The following UNC13B variants were observed in gnomAD, a reference collection of about 807,000 sequenced individuals.
UNC13B encodes protein unc-13 homolog B.
UNC13B carries 144 observed loss-of-function variants against 211.0 expected under a neutral mutation model. The ratio of observed to expected loss-of-function variants is 0.68; its 90% confidence interval spans 0.60 to 0.78. The LOEUF (loss-of-function observed/expected upper bound fraction) is 0.78, where lower values mean the gene tolerates loss of function less well. UNC13B is among the 30% of genes least tolerant of loss of function. The probability of loss-of-function intolerance (pLI) is 0.00; values close to 1 mark genes in which losing one functional copy is unlikely to be tolerated. For missense variants in UNC13B, 1,777 were observed against 2,002.0 expected (o/e 0.89, Z 2.14); for synonymous variants, 709 against 725.8 (o/e 0.98, Z 0.37).
intron 7 of UNC13B, among the ~76,000 whole-genome samples, chr9:35,259,679 C>T (rs1378582127): frequency 2.0e-5 from 3 of 151,254 alleles, no homozygotes; most frequent in Non-Finnish European, 4.4e-5. Flanking sequence ...TATATTGTTA[C>T]CCTCTCCCCA....
At chr9:35,259,990 C>T (rs1032789545) in intron 7 of UNC13B, among the ~76,000 whole-genome samples, 2 of 124,508 alleles carry the variant, frequency 1.6e-5, no homozygotes, top group African/African-American at 6.1e-5. Context: ...TTTCTTGAGC[C>T]CAGGAGTCTG....
chr9:35,282,244 A>G (rs1354969090), intron 7 of UNC13B, among the ~76,000 whole-genome samples: 1 of 152,154 alleles, frequency 6.6e-6, no homozygotes, highest in Admixed American at 6.5e-5. Context: ...GAAAGCCTCC[A>G]TATGCCTCTT....
intron 37 of UNC13B, chr9:35,402,106 G>A (rs774972575): frequency 1.9e-5 from 22 of 1,177,880 alleles, no homozygotes; most frequent in Non-Finnish European, 2.6e-5. Flanking sequence ...GGAACAAGCT[G>A]TCAAGGTTTA....
intron 1 of UNC13B, among the ~76,000 whole-genome samples, chr9:35,199,613 ATG>A (rs1476747039): frequency 2.6e-5 from 4 of 151,968 alleles, no homozygotes; most frequent in Non-Finnish European, 5.9e-5. Flanking sequence ...GCATTTTTTC[ATG>A]TGTCTGTTGG....
intron 21 of UNC13B, 101 bp from the exon 22 acceptor site, chr9:35,384,145 C>A: frequency 6.5e-7 from 1 of 1,549,748 alleles, no homozygotes; most frequent in Non-Finnish European, 8.7e-7. Context: ...TGCCTCCCGA[C>A]TCTTTCTACT....
intron 3 of UNC13B, among the ~76,000 whole-genome samples, chr9:35,233,560 T>TC (rs1825328004): frequency 6.6e-6 from 1 of 152,218 alleles, no homozygotes; most frequent in Non-Finnish European, 1.5e-5. Flanking sequence ...CTTAGTCTAC[T>TC]ACCCTGTCCT....
Position 35,272,721 on chromosome 9 carries a change from G to C in UNC13B, c.526+13671G>C, listed in dbSNP as rs1827962718. Reference sequence around the variant, plus strand: ...ATTCACTTTTTTAGTTTGAATTTGAGACTTAGTTGAATGATAATTTATTGT... The same window carrying C: ...ATTCACTTTTTTAGTTTGAATTTGACACTTAGTTGAATGATAATTTATTGT... On this transcript the variant is annotated intron_variant, in intron 7 of 39. Transcript: ENST00000635942. 2.0e-5 allele frequency among the ~76,000 whole-genome samples: 3 copies of C among 152,296 alleles called. No individual in the cohort carries two copies. The South Asian group carries it at 6.2e-4, about 32-fold the overall frequency.
chr9:35,208,781 T>G (rs1823805552), intron 1 of UNC13B, among the ~76,000 whole-genome samples: 1 of 152,056 alleles, frequency 6.6e-6, no homozygotes, highest in South Asian at 2.1e-4. Flanking sequence ...CCTCCAACAC[T>G]GGGGATTGCA....
At chr9:35,228,399 C>T (rs1587417331) in intron 2 of UNC13B, among the ~76,000 whole-genome samples, 1 of 151,416 alleles carries the variant, frequency 6.6e-6, no homozygotes, top group African/African-American at 2.4e-5. Flanking sequence ...AGGTTTGTTA[C>T]ATAGGTATAC....
At chr9:35,234,293 T>G (rs576600333) in intron 3 of UNC13B, among the ~76,000 whole-genome samples, 2 of 151,920 alleles carry the variant, frequency 1.3e-5, no homozygotes, top group African/African-American at 4.8e-5. Context: ...TTAAAAAAAA[T>G]TTTTCTGGGA....
At chr9:35,203,492 C>A (rs935732256) in intron 1 of UNC13B, among the ~76,000 whole-genome samples, 6 of 152,216 alleles carry the variant, frequency 3.9e-5, no homozygotes, top group African/African-American at 1.4e-4. Flanking sequence ...GCCCCCCACT[C>A]TCTTCTGGCT....
intron 26 of UNC13B, among the ~76,000 whole-genome samples, 172 bp downstream of exon 26, chr9:35,390,886 G>A (rs1835490189): frequency 6.6e-6 from 1 of 152,186 alleles, no homozygotes; most frequent in Non-Finnish European, 1.5e-5. Flanking sequence ...GGTGGGCAAA[G>A]TTGCAGCCAA....
chr9:35,366,264 A>G (rs919445956), intron 11 of UNC13B, among the ~76,000 whole-genome samples: 2 of 152,174 alleles, frequency 1.3e-5, no homozygotes, highest in African/African-American at 2.4e-5. Context: ...TGGTACAGAA[A>G]CCTTTAAAAG....
chr9:35,332,247 G>A (rs1460374035), intron 11 of UNC13B, among the ~76,000 whole-genome samples: 2 of 152,182 alleles, frequency 1.3e-5, no homozygotes, highest in African/African-American at 4.8e-5. Flanking sequence ...ACTGCACCCA[G>A]CCTCCCAACT....
At chr9:35,365,792 A>T (rs1315771559) in intron 11 of UNC13B, among the ~76,000 whole-genome samples, 2 of 152,172 alleles carry the variant, frequency 1.3e-5, no homozygotes, top group Non-Finnish European at 1.5e-5. Context: ...TAGGAGGCAG[A>T]TGGGGTGGAA....
At position 35,398,981 on chromosome 9, in the gene UNC13B, G is replaced by A. The variant is rs573780841; in HGVS notation, c.12021G>A (p.Ala4007=). 4.5e-5 allele frequency: 72 copies of A among 1,614,176 alleles called. No individual in the cohort carries two copies. The African/African-American group carries it at 5.2e-4, about 12-fold the overall frequency. Residue 4007 remains alanine, a synonymous_variant, in exon 33 of 40, where the codon GCG becomes GCA. Coordinates refer to ENST00000635942, the MANE Select transcript of UNC13B (RefSeq NM_001371189.2). ...GNASPDARAS[A]AQDADSVLRP... is the part of the protein sequence containing the mutation. The stretch of plus-strand genomic sequence containing the variant: ...CATCTCCAGACGCCAGGGCCTCAGC[G>A]GCTCAGGATGCAGATAGCGTACTCC...
At chr9:35,258,684 G>T (rs530637141) in intron 6 of UNC13B, among the ~76,000 whole-genome samples, 1 of 152,316 alleles carries the variant, frequency 6.6e-6, no homozygotes, top group East Asian at 1.9e-4. Context: ...ATATTCTAAG[G>T]ATTCTAAGGC....
chr9:35,399,045 C>T lies in UNC13B; in HGVS notation c.12074+11C>T, dbSNP rs758517628. 6.2e-6 allele frequency: 10 copies of T among 1,613,436 alleles called. No individual in the cohort carries two copies. The African/African-American group carries it at 1.3e-4, about 22-fold the overall frequency. On this transcript the variant is annotated intron_variant, in intron 33 of 39. Coordinates refer to ENST00000635942, the MANE Select transcript of UNC13B (RefSeq NM_001371189.2). ...CTTCCTGGATGGCAAGTGAGTACAG[C>T]ATTCAGGACTATCCTGTGGGGATGA...
At chr9:35,381,839 T>A (rs1834862247) in intron 20 of UNC13B, 120 bp downstream of exon 20, 6 of 1,291,840 alleles carry the variant, frequency 4.6e-6, no homozygotes, top group African/African-American at 4.4e-5. Flanking sequence ...TTTACTTTCC[T>A]CTCTGAGCTG....
Sources: allele counts gnomAD v4.1 joint callset (sites outside exome capture counted in the v4.1 genomes callset), GRCh38; gene constraint gnomAD v4.1.1; transcripts MANE v1.5; gene names NCBI Gene and HGNC (gene_info 2026-07-23, HGNC 2026-07-21).